Variants in SHANK2 observed in about 807,000 individuals in gnomAD.
SHANK2 encodes SH3 and multiple ankyrin repeat domains 2.
Under a neutral mutation model 133.7 loss-of-function variants are expected in SHANK2, and 43 were observed. The ratio of observed to expected loss-of-function variants is 0.32; its 90% CI spans 0.25 to 0.41. SHANK2 has a LOEUF of 0.41. Ranked by LOEUF, SHANK2 falls within the 10% of genes least tolerant of loss-of-function variation. SHANK2 has a pLI of 1.00. For synonymous variants in SHANK2, 1,017 were observed against 952.8 expected (o/e 1.07, Z -1.24); for missense variants, 1,994 against 2,235.8 (o/e 0.89, Z 2.18).
chr11:70,905,788 C>T (rs1490556251), intron 10 of SHANK2, among the ~76,000 whole-genome samples: 2 of 151,896 alleles, frequency 1.3e-5, no homozygotes, highest in Non-Finnish European at 2.9e-5. Flanking sequence ...GTTTATAAGC[C>T]ACCACCCAGT....
At chr11:71,187,878 G>A (rs1298097455) in intron 2 of SHANK2, among the ~76,000 whole-genome samples, 2 of 152,164 alleles carry the variant, frequency 1.3e-5, no homozygotes, top group South Asian at 2.1e-4. Context: ...TAAACTCAGC[G>A]CTTCCCTCCC....
rs183862798 is a variant in SHANK2, at chr11:70,954,436, G to A, written c.1108-57869C>T. Among the ~76,000 whole-genome samples, 516 of 152,310 alleles carry A rather than the reference G, an allele frequency of 3.4e-3. 1 individual carries two copies. Among genetic ancestry groups the A allele is most frequent in the Non-Finnish European group, 5.8e-3 (397 of 68,030 alleles). ...AGTGCTCTGGCAGCCACTACCATGC[G>A]TGGCATGAGAAAATGTACTCATCCC... On this transcript the variant is annotated intron_variant, in intron 10 of 25. Transcript: ENST00000601538.
intron 10 of SHANK2, among the ~76,000 whole-genome samples, chr11:70,912,079 CAAAAAAAAAAAAAAAAAAAAAAAAA>C (rs536602235): frequency 4.9e-5 from 4 of 81,230 alleles, no homozygotes; most frequent in African/African-American, 1.4e-4. Flanking sequence ...GAGACTCTGT[CAAAAAAAAAAAAAAAAAAAAAAAAA>C]AAAAAAAAAA....
chr11:70,781,414 G>C (rs1555045103), intron 14 of SHANK2, among the ~76,000 whole-genome samples: 1 of 150,938 alleles, frequency 6.6e-6, no homozygotes. Flanking sequence ...CCCAACCCAG[G>C]CATCTCTGAG....
intron 10 of SHANK2, among the ~76,000 whole-genome samples, chr11:70,897,093 A>C (rs1555075847): frequency 6.6e-6 from 1 of 152,232 alleles, no homozygotes; most frequent in Non-Finnish European, 1.5e-5. Flanking sequence ...GAGTGGCACC[A>C]AAACCATCAC....
At chr11:70,870,503 C>T (rs1364032195) in intron 11 of SHANK2, among the ~76,000 whole-genome samples, 11 of 152,114 alleles carry the variant, frequency 7.2e-5, no homozygotes, top group Admixed American at 5.9e-4. Context: ...CACTGGAGCT[C>T]CTGTAACCAC....
At chr11:70,544,673 C>T (rs1366464236) in intron 17 of SHANK2, among the ~76,000 whole-genome samples, 4 of 152,218 alleles carry the variant, frequency 2.6e-5, no homozygotes, top group African/African-American at 9.6e-5. Flanking sequence ...GGGGTGGCCA[C>T]CTCTGCAGGG....
chr11:71,243,528 A>T (rs1435456677), intron 1 of SHANK2, among the ~76,000 whole-genome samples: 2 of 152,088 alleles, frequency 1.3e-5, no homozygotes, highest in Non-Finnish European at 2.9e-5. Context: ...CCCCGTCTCT[A>T]CTAAAAATAC....
intron 3 of SHANK2, among the ~76,000 whole-genome samples, chr11:71,135,249 C>T (rs1952413739): frequency 1.3e-5 from 2 of 152,170 alleles, no homozygotes; most frequent in African/African-American, 4.8e-5. Context: ...TAGCCAGATA[C>T]CCAGCATTCA....
chr11:70,953,190 G>A (rs528876819), intron 10 of SHANK2, among the ~76,000 whole-genome samples: 1 of 152,196 alleles, frequency 6.6e-6, no homozygotes, highest in East Asian at 1.9e-4. Flanking sequence ...GGGCCTAGCA[G>A]GAGGTGTCCG....
intron 9 of SHANK2, among the ~76,000 whole-genome samples, chr11:71,071,115 T>G: frequency 6.6e-6 from 1 of 152,374 alleles, no homozygotes; most frequent in South Asian, 2.1e-4. Flanking sequence ...TAAAATGTGC[T>G]TGCAATCTAC....
intron 10 of SHANK2, among the ~76,000 whole-genome samples, chr11:70,903,309 G>A (rs782087946): frequency 6.6e-6 from 1 of 151,738 alleles, no homozygotes; most frequent in Non-Finnish European, 1.5e-5. Flanking sequence ...CCCGGGAGGC[G>A]GAGGTTGCAG....
chr11:70,869,796 G>A (rs1949429659), intron 11 of SHANK2, among the ~76,000 whole-genome samples: 2 of 152,156 alleles, frequency 1.3e-5, no homozygotes, highest in Admixed American at 6.5e-5. Flanking sequence ...TTGGAAGATG[G>A]GATGAGAACT....
chr11:70,499,757 CGGGG>C (rs2059024019), intron 21 of SHANK2, among the ~76,000 whole-genome samples: 1 of 152,180 alleles, frequency 6.6e-6, no homozygotes, highest in Non-Finnish European at 1.5e-5. Flanking sequence ...GGTGCAAGCC[CGGGG>C]CTGCTGCAGA....
intron 14 of SHANK2, among the ~76,000 whole-genome samples, chr11:70,785,173 C>T (rs1214744479): frequency 3.9e-5 from 6 of 152,138 alleles, no homozygotes; most frequent in Admixed American, 2.0e-4. Context: ...GCCCAATGGG[C>T]ATGGCCAGGA....
At chr11:71,090,625 CTGTGTGTG>C (rs782587800) in intron 8 of SHANK2, among the ~76,000 whole-genome samples, 17 of 102,946 alleles carry the variant, frequency 1.7e-4, no homozygotes, top group African/African-American at 2.4e-4. Flanking sequence ...AACACAACCT[CTGTGTGTG>C]TGTGTGTGTG....
chr11:70,528,278 C>T (rs1430061193), intron 17 of SHANK2, among the ~76,000 whole-genome samples: 2 of 152,172 alleles, frequency 1.3e-5, no homozygotes, highest in Admixed American at 6.5e-5. Flanking sequence ...TGCTGTGGTG[C>T]CCTAGTATCC....
At chr11:70,872,796 G>C (rs1555070443) in intron 11 of SHANK2, among the ~76,000 whole-genome samples, 1 of 152,110 alleles carries the variant, frequency 6.6e-6, no homozygotes, top group Non-Finnish European at 1.5e-5. Context: ...TTGTCCTAAG[G>C]GTCGTGGGGG....
chr11:70,810,801 C>T (rs1428288039), intron 12 of SHANK2, among the ~76,000 whole-genome samples: 4 of 152,210 alleles, frequency 2.6e-5, no homozygotes, highest in Admixed American at 6.5e-5. Flanking sequence ...TTCCCAGCCC[C>T]GCTGCAGCTC....
Sources: allele counts gnomAD v4.1 joint callset (sites outside exome capture counted in the v4.1 genomes callset), GRCh38; gene constraint gnomAD v4.1.1; transcripts MANE v1.5; gene names NCBI Gene and HGNC (gene_info 2026-07-23, HGNC 2026-07-21).